The following USP33 variants were observed in gnomAD, a reference collection of about 807,000 sequenced individuals.
The protein encoded by USP33 is ubiquitin carboxyl-terminal hydrolase 33.
In USP33, 46 loss-of-function variants were observed where a neutral mutation model predicts 124.2. The observed-to-expected ratio is 0.37, with a 90% CI of 0.29 to 0.47. USP33 has a LOEUF of 0.47. Ranked by LOEUF, USP33 falls within the 20% of genes least tolerant of loss-of-function variation. The pLI is 0.99. For synonymous variants in USP33, 350 were observed against 352.3 expected (o/e 0.99, Z 0.07); for missense variants, 851 against 1,070.6 (o/e 0.79, Z 2.86).
chr1:77,759,332 C>T (rs1681105440), intron 1 of USP33: 1 of 352,484 alleles, frequency 2.8e-6, no homozygotes, highest in Non-Finnish European at 5.1e-6. Flanking sequence ...GCAGAGCCCC[C>T]GCTTCTCGGG....
At chr1:77,722,990 AAC>A (rs1193603015) in intron 12 of USP33, among the ~76,000 whole-genome samples, 3 of 152,244 alleles carry the variant, frequency 2.0e-5, no homozygotes, top group Admixed American at 6.5e-5. Flanking sequence ...TGTGAATATC[AAC>A]AGATTCCCAG....
intron 11 of USP33, 27 bp from the exon 12 acceptor site, chr1:77,723,470 A>C: frequency 6.8e-7 from 1 of 1,471,772 alleles, no homozygotes; most frequent in South Asian, 1.2e-5. Context: ...TTAAAAAAAA[A>C]TCAAAGCAGC....
At chr1:77,752,140 A>T (rs1443759361) in intron 1 of USP33, among the ~76,000 whole-genome samples, 1 of 139,834 alleles carries the variant, frequency 7.2e-6, no homozygotes, top group East Asian at 2.2e-4. Flanking sequence ...TATTAGTACA[A>T]TTTTTTTTTT....
chr1:77,718,433 G>A (rs1170823478), intron 16 of USP33, among the ~76,000 whole-genome samples, 163 bp downstream of exon 16: 5 of 152,090 alleles, frequency 3.3e-5, no homozygotes, highest in African/African-American at 7.2e-5. Context: ...GGGCACTTAC[G>A]GTATTTAACT....
intron 6 of USP33, among the ~76,000 whole-genome samples, chr1:77,734,880 T>C (rs1188713042): frequency 6.6e-6 from 1 of 152,112 alleles, no homozygotes; most frequent in Admixed American, 6.5e-5. Flanking sequence ...TCCCAGCACT[T>C]TGGGAGGCTG....
At chr1:77,751,974 C>T (rs973088778) in intron 1 of USP33, among the ~76,000 whole-genome samples, 1 of 151,998 alleles carries the variant, frequency 6.6e-6, no homozygotes, top group African/African-American at 2.4e-5. Flanking sequence ...AGGCTTGAGC[C>T]ACCGCGCCGC....
intron 8 of USP33, 135 bp from the exon 9 acceptor site, chr1:77,730,073 A>C (rs1381095077): frequency 3.8e-6 from 3 of 785,360 alleles, no homozygotes; most frequent in Non-Finnish European, 6.1e-6. Flanking sequence ...ACTGCCTAAT[A>C]TTATGTTTCA....
intron 22 of USP33, among the ~76,000 whole-genome samples, chr1:77,699,342 G>A (rs1035443060): frequency 2.6e-5 from 4 of 152,120 alleles, no homozygotes; most frequent in Non-Finnish European, 2.9e-5. Context: ...CTAACATGGT[G>A]AAACCCCATC....
intron 7 of USP33, among the ~76,000 whole-genome samples, chr1:77,733,099 TC>T (rs973047851): frequency 6.6e-6 from 1 of 151,888 alleles, no homozygotes; most frequent in Non-Finnish European, 1.5e-5. Context: ...GGCCTAAATG[TC>T]TCTTCTTTAA....
chr1:77,729,743 G>A (rs1677586138), intron 9 of USP33, 117 bp downstream of exon 9: 2 of 881,292 alleles, frequency 2.3e-6, no homozygotes, highest in Non-Finnish European at 3.6e-6. Context: ...ACTATTCTTG[G>A]CAAAAGAAAG....
At chr1:77,751,811 C>T (rs1468250183) in intron 1 of USP33, among the ~76,000 whole-genome samples, 1 of 151,600 alleles carries the variant, frequency 6.6e-6, no homozygotes, top group Non-Finnish European at 1.5e-5. Flanking sequence ...GCCTCAGCCT[C>T]CTGAGTAGCT....
chr1:77,748,438 AG>A, intron 1 of USP33, among the ~76,000 whole-genome samples: 1 of 152,246 alleles, frequency 6.6e-6, no homozygotes, highest in Admixed American at 6.5e-5. Context: ...TGGGAGGCTG[AG>A]GCGGGTGGAT....
At chr1:77,750,751 C>T (rs1012823365) in intron 1 of USP33, among the ~76,000 whole-genome samples, 8 of 152,148 alleles carry the variant, frequency 5.3e-5, no homozygotes, top group African/African-American at 1.2e-4. Flanking sequence ...TTTAGTATCC[C>T]GTATAATACA....
intron 14 of USP33, 169 bp from the exon 15 acceptor site, chr1:77,721,374 T>C (rs930570976): frequency 6.2e-6 from 4 of 649,476 alleles, no homozygotes; most frequent in African/African-American, 5.5e-5. Context: ...TTCCCCTCCC[T>C]TAACTCCTGC....
chr1:77,745,216 G>C (rs952195615), intron 1 of USP33, among the ~76,000 whole-genome samples: 5 of 152,158 alleles, frequency 3.3e-5, no homozygotes, highest in Non-Finnish European at 7.4e-5. Context: ...ATGGTTTAAA[G>C]CCTGTTTTAT....
At chr1:77,707,859 C>G (rs1674806659) in intron 21 of USP33, among the ~76,000 whole-genome samples, 1 of 152,102 alleles carries the variant, frequency 6.6e-6, no homozygotes. Flanking sequence ...TTTCATTTGA[C>G]TACTATAAGG....
intron 21 of USP33, among the ~76,000 whole-genome samples, chr1:77,710,009 A>G (rs981859714): frequency 2.6e-5 from 4 of 151,984 alleles, no homozygotes; most frequent in African/African-American, 4.8e-5. Context: ...CTCCTTTTCC[A>G]TATTTGAAAC....
chr1:77,740,907 T>A lies in USP33; in HGVS notation c.168A>T (p.Ser56=). 1 of 1,569,180 alleles carries A rather than the reference T, an allele frequency of 6.4e-7. No homozygotes were observed. Among genetic ancestry groups the A allele is most frequent in the Non-Finnish European group, 8.7e-7 (1 of 1,154,406 alleles). ...NRCSYVGCGE[S]QVDHSTIHSQ... The stretch of plus-strand genomic sequence containing the variant: ...AATGTATGGTGCTGTGATCTACTTG[T>A]GATTCACCACAGCCAACATATGAAC... Residue 56 remains serine (S), a synonymous_variant, in exon 4 of 24, where the codon TCA becomes TCT. Coordinates refer to ENST00000370794, the MANE Select transcript of USP33 (RefSeq NM_201624.3).
chr1:77,718,912 G>A (rs1269267056), intron 15 of USP33, among the ~76,000 whole-genome samples: 7 of 136,264 alleles, frequency 5.1e-5, no homozygotes, highest in Non-Finnish European at 1.1e-4. Flanking sequence ...CTGGGCTAGA[G>A]TGAGACCCTG....
Sources: gnomAD v4.1 joint callset for allele counts (sites outside exome capture counted in the v4.1 genomes callset) on GRCh38, gnomAD v4.1.1 for gene constraint, MANE v1.5 for transcripts, NCBI Gene and HGNC (gene_info 2026-07-23, HGNC 2026-07-21) for gene names.